Variants in SLIT2 observed in about 807,000 individuals in gnomAD.
SLIT2 encodes the protein slit guidance ligand 2, also known as slit homolog 2 protein.
A neutral mutation model predicts 185.7 loss-of-function variants in SLIT2; 41 were observed. The observed-to-expected ratio is 0.22, with a 90% confidence interval of 0.17 to 0.29. SLIT2 has a LOEUF of 0.29. SLIT2 is among the 10% of genes least tolerant of loss of function. The pLI, the probability that SLIT2 is intolerant of heterozygous loss-of-function variation, is 1.00. For synonymous variants in SLIT2, 693 were observed against 680.2 expected, an observed-to-expected ratio of 1.02 and a Z score of -0.29; for missense variants, 1,571 against 1,909.0, an observed-to-expected ratio of 0.82 and a Z score of 3.30.
rs201884427 is a variant in SLIT2, at chr4:20,534,422, AT to A, written c.1832+709del. Among the ~76,000 whole-genome samples, 516 of 152,312 alleles carry A rather than the reference AT, an allele frequency of 3.4e-3. 5 individuals carry two copies. The highest frequency in any genetic ancestry group is 0.011 in the African/African-American group (465 of 41,560). ...GAGTTGTTGTCCAAGAAATATGGGG[AT>A]TAGATTGAGGTATTTCAATCAAACA... is the stretch of plus-strand genomic sequence containing the variant. On this transcript the variant is annotated intron_variant, in intron 18 of 36. Coordinates refer to ENST00000504154, the MANE Select transcript of SLIT2 (RefSeq NM_004787.4).
chr4:20,325,921 G>T (rs1179055622), intron 4 of SLIT2, among the ~76,000 whole-genome samples: 2 of 152,110 alleles, frequency 1.3e-5, no homozygotes, highest in African/African-American at 4.8e-5. Context: ...AGTGATGAAA[G>T]AAATATACTT....
At chr4:20,554,761 T>G (rs965868209) in intron 26 of SLIT2, among the ~76,000 whole-genome samples, 5 of 149,728 alleles carry the variant, frequency 3.3e-5, no homozygotes, top group Non-Finnish European at 7.4e-5. Context: ...GGCTTTTGTT[T>G]TGTTTTTTTT....
chr4:20,291,821 T>C (rs1715973108), intron 4 of SLIT2, among the ~76,000 whole-genome samples: 2 of 152,066 alleles, frequency 1.3e-5, no homozygotes, highest in Admixed American at 1.3e-4. Flanking sequence ...AATTTGCAGC[T>C]TTCTTTTGAT....
rs1351675248 is a variant in SLIT2, at chr4:20,617,072, A to G, written c.4010A>G (p.His1337Arg). 2 of 1,614,188 alleles carry G rather than the reference A, an allele frequency of 1.2e-6. No individual in the cohort carries two copies. The highest frequency in any genetic ancestry group is 1.7e-5 in the Admixed American group (1 of 60,036). Residue 1337 changes from histidine to arginine, a missense_variant, in exon 35 of 37, where the codon CAC becomes CGC. Physicochemically the swap from His to Arg is conservative, Grantham distance 29 (BLOSUM62 0). Transcript: ENST00000504154. ...ATTTTGCCTGGCTGTGAGCCATGCC[A>G]CAAGAAGGTGTGTGCCCATGGCACA... ...TGILPGCEPC[H>R]KKVCAHGTCQ...
intron 4 of SLIT2, among the ~76,000 whole-genome samples, chr4:20,277,627 C>CA (rs1714295030): frequency 1.3e-5 from 2 of 151,060 alleles, no homozygotes; most frequent in East Asian, 3.9e-4. Context: ...TTAGAATCTG[C>CA]CTCAATGTAG....
At chr4:20,543,596 G>A (rs1376210816) in intron 21 of SLIT2, among the ~76,000 whole-genome samples, 2 of 152,212 alleles carry the variant, frequency 1.3e-5, no homozygotes, top group Non-Finnish European at 2.9e-5. Context: ...TATTCCAAAT[G>A]AGCAGGTTTG....
intron 4 of SLIT2, among the ~76,000 whole-genome samples, chr4:20,448,448 G>A (rs908731169): frequency 6.6e-6 from 1 of 151,858 alleles, no homozygotes; most frequent in Non-Finnish European, 1.5e-5. Context: ...AGCCTCCCAA[G>A]TGGCTGGGAT....
At chr4:20,339,798 A>G (rs1236065086) in intron 4 of SLIT2, among the ~76,000 whole-genome samples, 1 of 152,184 alleles carries the variant, frequency 6.6e-6, no homozygotes, top group African/African-American at 2.4e-5. Context: ...CATTGAAAGA[A>G]AGGGAAAGCA....
intron 4 of SLIT2, among the ~76,000 whole-genome samples, chr4:20,274,432 TGAAA>T (rs1713958239): frequency 6.6e-6 from 1 of 152,296 alleles, no homozygotes; most frequent in African/African-American, 2.4e-5. Context: ...CCACTTGTCA[TGAAA>T]GAAAGAAAAG....
chr4:20,490,673 T>C, intron 8 of SLIT2: 1 of 648,316 alleles, frequency 1.5e-6, no homozygotes, highest in Non-Finnish European at 2.6e-6. Flanking sequence ...CTAAGAAAAA[T>C]TTTTGTATAA....
intron 4 of SLIT2, among the ~76,000 whole-genome samples, chr4:20,288,831 A>G (rs1395079864): frequency 6.6e-6 from 1 of 152,204 alleles, no homozygotes; most frequent in Non-Finnish European, 1.5e-5. Flanking sequence ...CAAAACAGCC[A>G]TCAGTGTGCC....
At chr4:20,270,746 A>G (rs747360562) in intron 4 of SLIT2, among the ~76,000 whole-genome samples, 3 of 152,008 alleles carry the variant, frequency 2.0e-5, no homozygotes, top group African/African-American at 7.2e-5. Flanking sequence ...CTAGCACTCA[A>G]TATTGACAAA....
At chr4:20,268,699 G>T in intron 3 of SLIT2, 111 bp from the exon 4 acceptor site, 1 of 774,490 alleles carries the variant, frequency 1.3e-6, no homozygotes, top group Non-Finnish European at 2.3e-6. Context: ...TCTCCTGAAT[G>T]TCATTTCATT....
intron 4 of SLIT2, among the ~76,000 whole-genome samples, chr4:20,324,377 G>A (rs1325644641): frequency 7.2e-6 from 1 of 139,550 alleles, no homozygotes. Context: ...TGCTCACCCC[G>A]ACCAGGCCAT....
At chr4:20,274,177 G>A (rs529864103) in intron 4 of SLIT2, among the ~76,000 whole-genome samples, 56 of 152,208 alleles carry the variant, frequency 3.7e-4, no homozygotes, top group Middle Eastern at 6.8e-3. Flanking sequence ...ACTCTGTATC[G>A]AGAGAGAAAA....
chr4:20,528,149 C>A lies in SLIT2; in HGVS notation c.1463-800C>A, dbSNP rs530576307. 6.0e-4 allele frequency: 276 copies of A among 462,238 alleles called. 3 individuals are homozygous for A. The highest frequency in any genetic ancestry group is 4.3e-3 in the South Asian group (268 of 62,936). 28.6% of individuals were successfully genotyped at this position (462,238 alleles called of 1,614,324 possible). On this transcript the variant is annotated intron_variant, in intron 15 of 36. Coordinates refer to ENST00000504154, the MANE Select transcript of SLIT2 (RefSeq NM_004787.4). The surrounding 1 kb of genome is among the most constrained non-coding windows in gnomAD (Gnocchi z 4.2). ...TCGGTAGTAATACTCTTACTGTGGT[C>A]ATAAACATTCTGCGGGAAGAATGCA...
intron 4 of SLIT2, among the ~76,000 whole-genome samples, chr4:20,438,017 A>C (rs1384028259): frequency 6.6e-6 from 1 of 151,820 alleles, no homozygotes; most frequent in East Asian, 1.9e-4. Context: ...TGAATACTCT[A>C]CATTCACAAT....
chr4:20,541,632 T>C lies in SLIT2; in HGVS notation c.2143+13T>C. On this transcript the variant is annotated intron_variant, in intron 20 of 36. Transcript: ENST00000504154. ...ACTTGTGATGACGGTAAGAAATACT[T>C]ATCAACTCTTTGATTGTCAGGCATT... The C allele has an allele frequency of 6.2e-7, 1 of 1,610,968 alleles. No homozygotes were observed. Among genetic ancestry groups the C allele is most frequent in the Non-Finnish European group, 8.5e-7 (1 of 1,177,334 alleles).
At chr4:20,291,490 ATATTTTTTTTTTTTTTTTTTTT>A (rs1316148900) in intron 4 of SLIT2, among the ~76,000 whole-genome samples, 3 of 9,960 alleles carry the variant, frequency 3.0e-4, no homozygotes, top group African/African-American at 4.4e-4. Flanking sequence ...ATATATATAT[ATATTTTTTTTTTTTTTTTTTTT>A]TTTTTTTTTT....
Sources: gnomAD v4.1 joint callset for allele counts (sites outside exome capture counted in the v4.1 genomes callset) on GRCh38, gnomAD v4.1.1 for gene constraint, Gnocchi (gnomAD v3.1) non-coding constraint, MANE v1.5 for transcripts, NCBI Gene and HGNC (gene_info 2026-07-23, HGNC 2026-07-21) for gene names.